The following NXN variants were observed in gnomAD, a reference collection of about 807,000 sequenced individuals.
NXN encodes the protein nucleoredoxin.
NXN carries 16 observed loss-of-function variants against 48.6 expected under a neutral mutation model. The ratio of observed to expected loss-of-function variants is 0.33; its 90% CI spans 0.22 to 0.50. The LOEUF is 0.50. Ranked by LOEUF, NXN falls within the 20% of genes least tolerant of loss-of-function variation. The probability of loss-of-function intolerance (pLI) is 0.98; values close to 1 mark genes in which losing one functional copy is unlikely to be tolerated. For missense variants in NXN, 492 were observed against 605.5 expected (o/e 0.81, Z 1.97); for synonymous variants, 281 against 269.6 (o/e 1.04, Z -0.41).
chr17:822,306 G>T, intron 4 of NXN, 51 bp downstream of exon 4: 2 of 1,286,512 alleles, frequency 1.6e-6, no homozygotes, highest in South Asian at 1.2e-5. Flanking sequence ...AAAAAAAATG[G>T]ATGTCAGCTA....
At chr17:950,648 A>C (rs1176217828) in intron 1 of NXN, among the ~76,000 whole-genome samples, 1 of 152,126 alleles carries the variant, frequency 6.6e-6, no homozygotes, top group Non-Finnish European at 1.5e-5. Context: ...AGAGCTCGGC[A>C]TGTGCTTCTA....
At chr17:971,770 T>C (rs1354243917) in intron 1 of NXN, among the ~76,000 whole-genome samples, 1 of 151,808 alleles carries the variant, frequency 6.6e-6, no homozygotes. Context: ...TTTTCCTTGA[T>C]TGTCTTGGAA....
intron 1 of NXN, among the ~76,000 whole-genome samples, chr17:949,904 G>A (rs2069090557): frequency 6.6e-6 from 1 of 151,646 alleles, no homozygotes; most frequent in Admixed American, 6.6e-5. Flanking sequence ...GCACCTTCTG[G>A]TAACAGTCAT....
At chr17:812,701 G>C (rs1431433996) in intron 5 of NXN, among the ~76,000 whole-genome samples, 1 of 120,250 alleles carries the variant, frequency 8.3e-6, no homozygotes, top group African/African-American at 2.9e-5. Context: ...TATGAATGTA[G>C]GTGTTTGCAT....
intron 1 of NXN, among the ~76,000 whole-genome samples, chr17:928,761 G>A (rs925338634): frequency 2.6e-5 from 4 of 152,082 alleles, no homozygotes; most frequent in South Asian, 2.1e-4. Context: ...GCTTGAACCC[G>A]GGAGGCGGAG....
chr17:800,912 TGA>T lies in NXN; in HGVS notation c.*35_*36del, dbSNP rs1331681126. 2.2e-6 allele frequency: 3 copies of T among 1,357,690 alleles called. No homozygotes were observed. Among genetic ancestry groups the T allele is most frequent in the African/African-American group, 1.5e-5 (1 of 66,724 alleles). 84.1% of individuals were successfully genotyped at this position (1,357,690 alleles called of 1,614,324 possible). ...GGAAGGAGGGGGAGGAGGAGAAGGC[TGA>T]GTTTTAAATAACGTCTCAGGAGGCC... On this transcript the variant is annotated 3_prime_UTR_variant, in exon 8 of 8. Coordinates refer to ENST00000336868, the MANE Select transcript of NXN (RefSeq NM_022463.5).
chr17:850,340 G>A (rs2067910651), intron 1 of NXN, among the ~76,000 whole-genome samples: 1 of 152,198 alleles, frequency 6.6e-6, no homozygotes, highest in African/African-American at 2.4e-5. Context: ...CTTCAGACAA[G>A]GGAGCAAATG....
chr17:884,098 G>C (rs1052431813), intron 1 of NXN, among the ~76,000 whole-genome samples: 1 of 152,074 alleles, frequency 6.6e-6, no homozygotes, highest in Non-Finnish European at 1.5e-5. Flanking sequence ...GTGGGCGCCT[G>C]TGGTCCCAGC....
At chr17:843,003 AG>A (rs1427098167) in intron 1 of NXN, among the ~76,000 whole-genome samples, 7 of 77,296 alleles carry the variant, frequency 9.1e-5, no homozygotes, top group African/African-American at 3.7e-4. Context: ...AAAGAGAGAA[AG>A]AGAGAAAGAA....
chr17:821,742 C>A (rs1468233066), intron 4 of NXN, among the ~76,000 whole-genome samples: 1 of 147,448 alleles, frequency 6.8e-6, no homozygotes, highest in Non-Finnish European at 1.5e-5. Context: ...CAGAGCGAGA[C>A]TCCGTCTCAA....
chr17:850,328 G>C (rs2144744305), intron 1 of NXN, among the ~76,000 whole-genome samples: 1 of 152,318 alleles, frequency 6.6e-6, no homozygotes, highest in Admixed American at 6.5e-5. Context: ...GCAAGATGAT[G>C]CCTTCAGACA....
chr17:878,390 G>A (rs1319789776), intron 1 of NXN: 2 of 112,734 alleles, frequency 1.8e-5, no homozygotes, highest in Non-Finnish European at 3.6e-5. Flanking sequence ...GGCAGGGGTT[G>A]CCCTTGAAGG....
intron 1 of NXN, among the ~76,000 whole-genome samples, chr17:827,419 G>A (rs544666056): frequency 3.0e-4 from 46 of 152,134 alleles, no homozygotes; most frequent in Non-Finnish European, 5.0e-4. Flanking sequence ...CCAGGAGATC[G>A]AGACCATCCT....
chr17:806,946 ACG>A (rs60549816), intron 5 of NXN, among the ~76,000 whole-genome samples: 7,166 of 149,030 alleles, frequency 0.048, 449 homozygotes, highest in African/African-American at 0.15. Context: ...ACACACACAC[ACG>A]CACGCGCCCA....
chr17:879,522 A>G (rs1263883206), intron 1 of NXN, among the ~76,000 whole-genome samples: 2 of 151,694 alleles, frequency 1.3e-5, no homozygotes, highest in South Asian at 2.1e-4. Flanking sequence ...CCTGACCTCA[A>G]ATGATCCACC....
chr17:931,377 T>G (rs1048169568), intron 1 of NXN, among the ~76,000 whole-genome samples: 1 of 149,716 alleles, frequency 6.7e-6, no homozygotes, highest in Non-Finnish European at 1.5e-5. Flanking sequence ...TGCTTAAACC[T>G]GGGAGACGGA....
chr17:959,227 A>C, intron 1 of NXN: 1 of 1,009,582 alleles, frequency 9.9e-7, no homozygotes, highest in Admixed American at 3.2e-5. Flanking sequence ...ACAGGCCTGC[A>C]GATACCCCAG....
At chr17:885,742 G>A (rs138074319) in intron 1 of NXN, among the ~76,000 whole-genome samples, 7,153 of 139,634 alleles carry the variant, frequency 0.051, 485 homozygotes, top group African/African-American at 0.16. Flanking sequence ...GTGCAGTGGC[G>A]CAATCTCAGC....
At position 825,123 on chromosome 17, in the gene NXN, C is replaced by A. The variant is rs1031854653; in HGVS notation, c.478+838G>T. On this transcript the variant is annotated intron_variant, in intron 2 of 7. Coordinates refer to ENST00000336868, the MANE Select transcript of NXN (RefSeq NM_022463.5). This position sits in a 1 kb window ranked among gnomAD's most constrained non-coding sequence, Gnocchi z 4.1. ...GTGCACGCCAGTAGTCCCAGCTACA[C>A]GGGAGGATGAGTTGAGCTCAGGAGG... is the stretch of plus-strand genomic sequence containing the variant. Among the ~76,000 whole-genome samples the A allele has an allele frequency of 1.9e-4, 29 of 151,132 alleles. 2 individuals are homozygous for A.
Sources: allele counts gnomAD v4.1 joint callset (sites outside exome capture counted in the v4.1 genomes callset), GRCh38; gene constraint gnomAD v4.1.1; non-coding constraint Gnocchi (gnomAD v3.1); transcripts MANE v1.5; gene names NCBI Gene and HGNC (gene_info 2026-07-23, HGNC 2026-07-21).